NUP210: variants seen among roughly 807,000 people sequenced by gnomAD.
NUP210 encodes nuclear pore membrane glycoprotein 210.
Under a neutral mutation model 196.0 loss-of-function variants are expected in NUP210, and 151 were observed. The observed-to-expected ratio is 0.77, with a 90% CI of 0.67 to 0.88. The LOEUF (loss-of-function observed/expected upper bound fraction) is 0.88. NUP210 is among the 40% of genes least tolerant of loss of function. NUP210 has a pLI of 0.00. For synonymous variants in NUP210, 1,070 were observed against 1,052.7 expected, an observed-to-expected ratio of 1.02 and a Z score of -0.32; for missense variants, 2,314 against 2,493.7, an observed-to-expected ratio of 0.93 and a Z score of 1.53.
intron 31 of NUP210, 115 bp downstream of exon 31, chr3:13,328,656 T>C: frequency 3.9e-6 from 4 of 1,021,318 alleles, no homozygotes; most frequent in Non-Finnish European, 6.0e-6. Flanking sequence ...TCTTGGAAAC[T>C]GAAGTAATAC....
At chr3:13,322,377 CG>C in intron 34 of NUP210, 38 bp from the exon 35 acceptor site, 1 of 1,607,198 alleles carries the variant, frequency 6.2e-7, no homozygotes, top group Non-Finnish European at 8.5e-7. Context: ...GGGCCAGGCC[CG>C]ATGGCCACCA....
Position 13,365,114 on chromosome 3 carries a change from A to T in NUP210, c.1932+832T>A, listed in dbSNP as rs1698486472. Among the ~76,000 whole-genome samples the T allele has an allele frequency of 1.3e-5, 2 of 152,216 alleles. 1 individual carries two copies. Among genetic ancestry groups the T allele is most frequent in the Admixed American group, 1.3e-4 (2 of 15,286 alleles). On this transcript the variant is annotated intron_variant, in intron 14 of 39. Transcript: ENST00000254508. The stretch of plus-strand genomic sequence containing the variant: ...TGCAAGCTAGGCAGAGTTCAAAGAA[A>T]GGAATGATTAGTCAGCAGCCTCCTG...
At chr3:13,343,433 A>G (rs1697601796) in intron 20 of NUP210, 130 bp from the exon 21 acceptor site, 2 of 1,181,772 alleles carry the variant, frequency 1.7e-6, no homozygotes, top group Admixed American at 2.3e-5. Flanking sequence ...TGCCAGTGGC[A>G]GAGCCCGCCA....
At chr3:13,400,764 T>C (rs1392671145) in intron 1 of NUP210, among the ~76,000 whole-genome samples, 1 of 151,910 alleles carries the variant, frequency 6.6e-6, no homozygotes, top group Admixed American at 6.6e-5. Flanking sequence ...AGAGAGTTTA[T>C]AGTGTGACCA....
rs149209387 is a variant in NUP210, at chr3:13,323,348, C to A, written c.4729G>T (p.Val1577Leu). The change falls in exon 34 of 40, where the codon GTG (valine) becomes TTG (leucine). Residue 1577 changes from valine to leucine, a missense_variant. Transcript: ENST00000254508. The surrounding 1 kb of genome is among the most constrained non-coding windows in gnomAD (Gnocchi z 4.3). ...CTTCTGTCTCCCACGGCAACAATCA[C>A]TTTGGAGGCTGTAGCCTCCTGGAAG... is the stretch of plus-strand genomic sequence containing the variant. The part of the protein sequence containing the change: ...TSFQEATASK[V>L]IVAVGDRSSN... 3.7e-6 allele frequency: 6 copies of A among 1,614,036 alleles called. No individual in the cohort carries two copies. In the African/African-American group the frequency reaches 6.7e-5, roughly 18 times the overall value.
At chr3:13,388,521 A>G (rs1269407376) in intron 4 of NUP210, 68 bp from the exon 5 acceptor site, 2 of 1,493,502 alleles carry the variant, frequency 1.3e-6, no homozygotes, top group East Asian at 4.8e-5. Flanking sequence ...AGAATCTACC[A>G]CAGCATTCCC....
At chr3:13,376,914 C>T (rs1434457493) in intron 9 of NUP210, among the ~76,000 whole-genome samples, 5 of 152,052 alleles carry the variant, frequency 3.3e-5, no homozygotes, top group Admixed American at 1.3e-4. Context: ...TGCTCACTGA[C>T]GAGCCTGGAA....
At chr3:13,398,670 G>A (rs533654216) in intron 2 of NUP210, among the ~76,000 whole-genome samples, 9 of 152,114 alleles carry the variant, frequency 5.9e-5, no homozygotes, top group African/African-American at 1.7e-4. Flanking sequence ...ATGTAATTCC[G>A]CCACTGTGGG....
intron 1 of NUP210, among the ~76,000 whole-genome samples, chr3:13,417,004 T>C (rs1294278698): frequency 6.6e-6 from 1 of 152,226 alleles, no homozygotes; most frequent in African/African-American, 2.4e-5. Context: ...AAATGTAATA[T>C]ACTTTATGGA....
Position 13,371,928 on chromosome 3 carries a change from G to A in NUP210, c.1692C>T (p.Pro564=), listed in dbSNP as rs368549966. 138 of 1,607,818 alleles carry A rather than the reference G, an allele frequency of 8.6e-5. 1 individual carries two copies. Among genetic ancestry groups the A allele is most frequent in the South Asian group, 3.9e-4 (35 of 89,772 alleles). ...ELPLRISGLM[P]GGASEVVTLS... ...AGGTGACCACCTCACTGGCCCCGCCGGGCATGAGGCCACTGATCCTCAGGG... is the reference window on the plus strand; with the variant it reads ...AGGTGACCACCTCACTGGCCCCGCCAGGCATGAGGCCACTGATCCTCAGGG... The change falls in exon 13 of 40, where the codon CCC becomes CCT. Residue 564 remains proline, a synonymous_variant. Transcript: ENST00000254508.
At chr3:13,329,295 T>C (rs1234204881) in intron 30 of NUP210, among the ~76,000 whole-genome samples, 1 of 152,210 alleles carries the variant, frequency 6.6e-6, no homozygotes, top group Admixed American at 6.5e-5. Flanking sequence ...TCTTGGGGCA[T>C]TTAAAGAAAC....
intron 35 of NUP210, 125 bp downstream of exon 35, chr3:13,322,068 G>T: frequency 7.8e-7 from 1 of 1,280,016 alleles, no homozygotes; most frequent in Non-Finnish European, 1.1e-6. Context: ...CCCCAGGCTG[G>T]GCTCCTGACA....
rs200266009 is a variant in NUP210 at position 13,406,593 on chromosome 3, C to T, written c.168-6732G>A. Among the ~76,000 whole-genome samples the T allele has an allele frequency of 1.8e-4, 27 of 152,290 alleles. No individual in the cohort carries two copies. The East Asian group carries it at 4.4e-3, about 25-fold the overall frequency. On this transcript the variant is annotated intron_variant, in intron 1 of 39. Coordinates refer to ENST00000254508, the MANE Select transcript of NUP210 (RefSeq NM_024923.4). Reference sequence around the variant, plus strand: ...GCCAACACTTTCATCTGCCACCCACCGAAGCCAGGTCAGCCAGCTCATAGC... The same window carrying T: ...GCCAACACTTTCATCTGCCACCCACTGAAGCCAGGTCAGCCAGCTCATAGC...
chr3:13,389,703 C>A (rs1699418683), intron 4 of NUP210, among the ~76,000 whole-genome samples: 4 of 152,164 alleles, frequency 2.6e-5, no homozygotes, highest in Non-Finnish European at 5.9e-5. Flanking sequence ...GACAGAGGAA[C>A]CACCACATCC....
intron 1 of NUP210, among the ~76,000 whole-genome samples, chr3:13,410,197 T>G (rs992061060): frequency 6.7e-6 from 1 of 149,574 alleles, no homozygotes; most frequent in Admixed American, 6.7e-5. Flanking sequence ...TTTTTCTTTT[T>G]GAGACAGAGT....
Position 13,343,226 on chromosome 3 carries a change from A to C in NUP210, c.2913T>G (p.Ala971=), listed in dbSNP as rs751677136. The part of the protein sequence containing the change: ...LCLVFPAPAK[A]VVYVSDIQEL... ...CCTGAATGTCCGACACGTAAACGAC[A>C]GCCTTGGCTGGGGCCGGGAAGACGA... is the stretch of plus-strand genomic sequence containing the variant. The change falls in exon 21 of 40, where the codon GCT becomes GCG. Residue 971 remains alanine (A), a synonymous_variant. Coordinates refer to ENST00000254508, the MANE Select transcript of NUP210 (RefSeq NM_024923.4). 6 of 1,613,656 alleles carry C rather than the reference A, an allele frequency of 3.7e-6. No individual in the cohort carries two copies. In the Admixed American group the frequency reaches 5.0e-5, roughly 13 times the overall value.
intron 29 of NUP210, 27 bp from the exon 30 acceptor site, chr3:13,330,661 T>C: frequency 6.2e-7 from 1 of 1,608,700 alleles, no homozygotes; most frequent in Non-Finnish European, 8.5e-7. Context: ...AGAGCTGTTT[T>C]TGTAGATGGC....
Position 13,340,307 on chromosome 3 carries a change from A to G in NUP210, c.3229-9T>C, listed in dbSNP as rs1191212361. On this transcript the variant is annotated splice_polypyrimidine_tract_variant and intron_variant, in intron 23 of 39. Coordinates refer to ENST00000254508, the MANE Select transcript of NUP210 (RefSeq NM_024923.4). The surrounding 1 kb of genome is among the most constrained non-coding windows in gnomAD (Gnocchi z 4.0). ...CTGAACGGGGGAAAGACCTGTTGAG[A>G]GACACAGGAGAGAAAGGACTACTGT... is the stretch of plus-strand genomic sequence containing the variant. The G allele has an allele frequency of 3.7e-6, 6 of 1,612,840 alleles. No individual in the cohort carries two copies. Among genetic ancestry groups the G allele is most frequent in the Non-Finnish European group, 5.1e-6 (6 of 1,179,716 alleles).
intron 28 of NUP210, among the ~76,000 whole-genome samples, chr3:13,335,119 T>G (rs936505923): frequency 6.6e-6 from 1 of 152,342 alleles, no homozygotes; most frequent in East Asian, 1.9e-4. Flanking sequence ...ACGATTAAAT[T>G]ATCAGCCACT....
Sources: gnomAD v4.1 joint callset for allele counts (sites outside exome capture counted in the v4.1 genomes callset) on GRCh38, gnomAD v4.1.1 for gene constraint, Gnocchi (gnomAD v3.1) non-coding constraint, MANE v1.5 for transcripts, NCBI Gene and HGNC (gene_info 2026-07-23, HGNC 2026-07-21) for gene names.